Variants in CNTN1 observed in about 807,000 individuals in gnomAD.
The protein encoded by CNTN1 is contactin-1.
A neutral mutation model predicts 126.4 loss-of-function variants in CNTN1; 38 were observed. The observed-to-expected ratio is 0.30, with a 90% CI of 0.23 to 0.39. The LOEUF (loss-of-function observed/expected upper bound fraction) is 0.39. CNTN1 is among the 10% of genes least tolerant of loss of function. The probability of loss-of-function intolerance (pLI) is 1.00; values close to 1 mark genes in which losing one functional copy is unlikely to be tolerated. For missense variants in CNTN1, 1,009 were observed against 1,248.4 expected (o/e 0.81, Z 2.89); for synonymous variants, 413 against 422.6 (o/e 0.98, Z 0.28).
intron 1 of CNTN1, among the ~76,000 whole-genome samples, chr12:40,856,932 A>ACT (rs55780764): frequency 0.17 from 25,322 of 151,828 alleles, 3,186 homozygotes; most frequent in African/African-American, 0.36. Flanking sequence ...AACATTCTAG[A>ACT]CTCTCTCTCT....
At chr12:40,981,399 T>C (rs1947816701) in intron 16 of CNTN1, among the ~76,000 whole-genome samples, 1 of 152,114 alleles carries the variant, frequency 6.6e-6, no homozygotes, top group African/African-American at 2.4e-5. Flanking sequence ...GCAAATAGCA[T>C]TTATAGCATA....
intron 1 of CNTN1, among the ~76,000 whole-genome samples, chr12:40,759,020 C>T (rs762556452): frequency 4.6e-5 from 7 of 152,242 alleles, no homozygotes; most frequent in South Asian, 2.1e-4. Flanking sequence ...TCTCCTGCCT[C>T]GGCCTCCCAA....
chr12:40,840,585 T>A (rs1180359328), intron 1 of CNTN1, among the ~76,000 whole-genome samples: 1 of 151,900 alleles, frequency 6.6e-6, no homozygotes, highest in Non-Finnish European at 1.5e-5. Flanking sequence ...ATAGATCATA[T>A]GTGAGACAGC....
At chr12:40,819,589 C>T (rs968271259) in intron 1 of CNTN1, among the ~76,000 whole-genome samples, 3 of 152,160 alleles carry the variant, frequency 2.0e-5, no homozygotes, top group Non-Finnish European at 4.4e-5. Flanking sequence ...CTTCCCCCCG[C>T]CCAGGGAGCT....
chr12:40,848,825 G>GT (rs11318215), intron 1 of CNTN1, among the ~76,000 whole-genome samples: 4,593 of 135,810 alleles, frequency 0.034, 128 homozygotes, highest in African/African-American at 0.075. Flanking sequence ...CACCAGGTGT[G>GT]TTTTTTTTTT....
At chr12:40,990,747 C>T (rs928263537) in intron 16 of CNTN1, among the ~76,000 whole-genome samples, 1 of 152,194 alleles carries the variant, frequency 6.6e-6, no homozygotes, top group Non-Finnish European at 1.5e-5. Context: ...TAGCAGATAC[C>T]TGCCCTTACC....
intron 1 of CNTN1, among the ~76,000 whole-genome samples, chr12:40,748,328 G>A (rs1032554533): frequency 4.6e-5 from 7 of 152,046 alleles, no homozygotes; most frequent in African/African-American, 1.2e-4. Flanking sequence ...CAACAAACTC[G>A]TGAGGTAGGT....
chr12:40,809,838 A>G (rs1185512766), intron 1 of CNTN1, among the ~76,000 whole-genome samples: 2 of 151,496 alleles, frequency 1.3e-5, no homozygotes, highest in African/African-American at 4.9e-5. Context: ...ACACACACAC[A>G]CACACACACA....
intron 1 of CNTN1, among the ~76,000 whole-genome samples, chr12:40,815,486 T>C (rs1000343204): frequency 1.3e-5 from 2 of 152,208 alleles, no homozygotes; most frequent in African/African-American, 4.8e-5. Context: ...TTGTGATTTT[T>C]GCACATTGAT....
At chr12:40,741,815 T>C (rs1335319094) in intron 1 of CNTN1, among the ~76,000 whole-genome samples, 1 of 152,074 alleles carries the variant, frequency 6.6e-6, no homozygotes, top group African/African-American at 2.4e-5. Flanking sequence ...CAACTATTAT[T>C]AGATGAAATA....
chr12:40,943,998 C>A lies in CNTN1; in HGVS notation c.1511C>A (p.Pro504His), dbSNP rs1254568843. ...NSTGTLVITD[P>H]TRIILAPINA... ...CTTTACATTTAAAAATATATAGATCCTACGCGAATTATATTGGCCCCAATT... is the reference window on the plus strand; with the variant it reads ...CTTTACATTTAAAAATATATAGATCATACGCGAATTATATTGGCCCCAATT... Residue 504 changes from proline (P) to histidine (H), a missense_variant, in exon 14 of 24, where the codon CCT (proline) becomes CAT (histidine). Pro to His is a moderately conservative substitution (Grantham distance 77, BLOSUM62 -2). Transcript: ENST00000551295. The A allele has an allele frequency of 6.2e-7, 1 of 1,612,900 alleles. No individual in the cohort carries two copies. The highest frequency in any genetic ancestry group is 1.3e-5 in the African/African-American group (1 of 74,848).
intron 23 of CNTN1, among the ~76,000 whole-genome samples, chr12:41,049,182 A>G (rs377339045): frequency 8.6e-4 from 131 of 152,274 alleles, no homozygotes; most frequent in African/African-American, 3.1e-3. Context: ...TTTGAACTTT[A>G]AAGTCTCCCA....
intron 17 of CNTN1, among the ~76,000 whole-genome samples, chr12:41,001,348 A>G (rs1023053923): frequency 6.6e-6 from 1 of 152,114 alleles, no homozygotes; most frequent in Admixed American, 6.5e-5. Flanking sequence ...CCTTTCTCTA[A>G]TGATCATTAT....
chr12:40,722,800 G>T (rs1942251424), intron 1 of CNTN1, among the ~76,000 whole-genome samples: 2 of 152,008 alleles, frequency 1.3e-5, no homozygotes, highest in Admixed American at 6.6e-5. Flanking sequence ...ATAAAATAAA[G>T]CAAAACCACA....
rs200211189 is a variant in CNTN1 at position 40,830,788 on chromosome 12, A to AGTGT, written c.-76-77568_-76-77565dup. 7.6e-5 allele frequency among the ~76,000 whole-genome samples: 5 copies of AGTGT among 65,868 alleles called. No individual in the cohort carries two copies. In the Admixed American group the frequency reaches 9.6e-4, roughly 13 times the overall value. 43.2% of individuals were successfully genotyped at this position (65,868 alleles called of 152,430 possible). On this transcript the variant is annotated intron_variant, in intron 1 of 23. Coordinates refer to ENST00000551295, the MANE Select transcript of CNTN1 (RefSeq NM_001843.4). ...ATATTGAGAGAGAGGGAGAAAGTAT[A>AGTGT]GTGTATATATATATATATATATATA...
Position 40,962,342 on chromosome 12 carries a change from A to G in CNTN1, c.1804+3108A>G, listed in dbSNP as rs187903960. On this transcript the variant is annotated intron_variant, in intron 15 of 23. Transcript: ENST00000551295. Reference sequence around the variant, plus strand: ...ATACAGCATGATGAAAGCAATTTCTATCAGAAAAGAAGTGTGTTTTAATTT... The same window carrying G: ...ATACAGCATGATGAAAGCAATTTCTGTCAGAAAAGAAGTGTGTTTTAATTT... 5.5e-4 allele frequency among the ~76,000 whole-genome samples: 84 copies of G among 152,254 alleles called. 1 individual carries two copies. The highest frequency in any genetic ancestry group is 5.5e-3 in the Admixed American group (84 of 15,254).
chr12:41,018,113 A>AATT (rs1240412784), intron 19 of CNTN1, among the ~76,000 whole-genome samples: 1 of 151,976 alleles, frequency 6.6e-6, no homozygotes, highest in Non-Finnish European at 1.5e-5. Context: ...TAATAATAAT[A>AATT]ATAATAGCTT....
At chr12:40,822,334 T>C (rs2136530055) in intron 1 of CNTN1, among the ~76,000 whole-genome samples, 1 of 151,836 alleles carries the variant, frequency 6.6e-6, no homozygotes, top group Non-Finnish European at 1.5e-5. Flanking sequence ...TTTGTACCTT[T>C]AGTAGAGATG....
At chr12:40,865,407 G>A (rs74076690) in intron 1 of CNTN1, among the ~76,000 whole-genome samples, 474 of 152,086 alleles carry the variant, frequency 3.1e-3, no homozygotes, top group African/African-American at 0.011. Context: ...TCCTATGTAA[G>A]AAATTTTGGC....
Sources: gnomAD v4.1 joint callset for allele counts (sites outside exome capture counted in the v4.1 genomes callset) on GRCh38, gnomAD v4.1.1 for gene constraint, MANE v1.5 for transcripts, NCBI Gene and HGNC (gene_info 2026-07-23, HGNC 2026-07-21) for gene names.